ISLR2: variants seen among roughly 807,000 people sequenced by gnomAD.
ISLR2 encodes immunoglobulin superfamily containing leucine rich repeat 2.
Under a neutral mutation model 25.5 loss-of-function variants are expected in ISLR2, and 16 were observed. That is an observed-to-expected ratio of 0.63 (90% confidence interval 0.43 to 0.95). The LOEUF is 0.95. ISLR2 is among the 40% of genes least tolerant of loss of function. The probability of loss-of-function intolerance (pLI) is 0.00; values close to 1 mark genes in which losing one functional copy is unlikely to be tolerated. For missense variants in ISLR2, 883 were observed against 1,030.7 expected (o/e 0.86, Z 1.96); for synonymous variants, 508 against 486.6 (o/e 1.04, Z -0.58).
intron 2 of ISLR2, among the ~76,000 whole-genome samples, chr15:74,108,393 A>G (rs2072138894): frequency 6.6e-6 from 1 of 152,106 alleles, no homozygotes; most frequent in South Asian, 2.1e-4. Flanking sequence ...CTCACGCCGC[A>G]CAGCAGCTGG....
At position 74,135,677 on chromosome 15, in the gene ISLR2, A is replaced by G. The variant is rs957562257; in HGVS notation, c.*685A>G. The G allele has an allele frequency of 6.6e-6, 1 of 152,540 alleles. No homozygotes were observed. The highest frequency in any genetic ancestry group is 2.4e-5 in the African/African-American group (1 of 41,168). The allele number at this position is 152,540 out of a possible 1,614,324, so 9.4% of individuals were successfully genotyped here. A position where few individuals can be genotyped will look rare whatever the true frequency, so the allele number is the denominator to read the frequency against. The stretch of plus-strand genomic sequence containing the variant: ...CCACCACGACCAGCTAATTTCTTCT[A>G]TTTTTAGTAGAGACGGGGTTTCACC... On this transcript the variant is annotated 3_prime_UTR_variant, in exon 3 of 3. Coordinates refer to ENST00000453268, the MANE Select transcript of ISLR2 (RefSeq NM_020851.3).
intron 2 of ISLR2, among the ~76,000 whole-genome samples, chr15:74,111,716 C>T (rs1023242907): frequency 6.6e-6 from 1 of 151,748 alleles, no homozygotes; most frequent in African/African-American, 2.4e-5. Context: ...AACTACAAGC[C>T]CGTGCCACCA....
chr15:74,138,487 A>G (rs955812473), downstream of ISLR2: 5 of 152,646 alleles, frequency 3.3e-5, no homozygotes, highest in Non-Finnish European at 7.3e-5. Flanking sequence ...ATTAGATCTC[A>G]GAAAGACAGT....
intron 2 of ISLR2, among the ~76,000 whole-genome samples, chr15:74,131,557 C>T (rs1231783518): frequency 6.6e-6 from 1 of 152,152 alleles, no homozygotes. Context: ...TGTGCAAGTT[C>T]GTTTGTGTGA....
downstream of ISLR2, among the ~76,000 whole-genome samples, chr15:74,137,278 C>T (rs79382102): frequency 1.3e-5 from 2 of 152,196 alleles, no homozygotes; most frequent in African/African-American, 2.4e-5. Context: ...GACAAGACCG[C>T]TGTGGCTTGC....
chr15:74,133,777 G>A lies in ISLR2; in HGVS notation c.1023G>A (p.Leu341=). 1 of 1,613,920 alleles carries A rather than the reference G, an allele frequency of 6.2e-7. No individual in the cohort carries two copies. Among genetic ancestry groups the A allele is most frequent in the South Asian group, 1.1e-5 (1 of 91,044 alleles). The change falls in exon 3 of 3, where the codon TTG becomes TTA. Residue 341 remains leucine, a synonymous_variant. Coordinates refer to ENST00000453268, the MANE Select transcript of ISLR2 (RefSeq NM_020851.3). ...TGGCCCTCGCAAATGGCTCCCTGTT[G>A]GTGCCCCTCCTGAGTGCCAAGGAGG... is the stretch of plus-strand genomic sequence containing the variant. ...RFLALANGSL[L]VPLLSAKEAG...
intron 2 of ISLR2, among the ~76,000 whole-genome samples, chr15:74,117,482 T>A (rs1215355315): frequency 6.6e-6 from 1 of 151,764 alleles, no homozygotes; most frequent in Admixed American, 6.6e-5. Flanking sequence ...GGAGTTTGAG[T>A]CCAGTCTAGG....
chr15:74,127,818 T>A (rs1019391704), upstream of ISLR2: 4 of 152,412 alleles, frequency 2.6e-5, no homozygotes, highest in African/African-American at 9.6e-5. Flanking sequence ...CGCTCCGGGT[T>A]CGCGACGTTG....
At position 74,134,939 on chromosome 15, in the gene ISLR2, G is replaced by T; in HGVS notation, c.2185G>T (p.Ala729Ser). 2.5e-6 allele frequency: 4 copies of T among 1,614,034 alleles called. No individual in the cohort carries two copies. Among genetic ancestry groups the T allele is most frequent in the Non-Finnish European group, 3.4e-6 (4 of 1,180,030 alleles). Residue 729 changes from alanine (A) to serine (S), a missense_variant, in exon 3 of 3, where the codon GCG becomes TCG. Transcript: ENST00000453268. Reference sequence around the variant, plus strand: ...CGATCGGCTGCCCCTGGGCGCCGAGGCGGTCAACATCGCCCAGGAGATTAA... The same window carrying T: ...CGATCGGCTGCCCCTGGGCGCCGAGTCGGTCAACATCGCCCAGGAGATTAA... ...YSDRLPLGAE[A>S]VNIAQEINGN... is the part of the protein sequence containing the mutation.
At chr15:74,127,813 C>T (rs369364680), upstream of ISLR2, 1 of 152,464 alleles carries the variant, frequency 6.6e-6, no homozygotes, top group Admixed American at 6.5e-5. Context: ...CCCGACGCTC[C>T]GGGTTCGCGA....
intron 2 of ISLR2, among the ~76,000 whole-genome samples, chr15:74,115,362 C>CA (rs2072202464): frequency 6.6e-6 from 1 of 152,166 alleles, no homozygotes; most frequent in South Asian, 2.1e-4. Flanking sequence ...ATCCAGCAGT[C>CA]ACGACACAAA....
chr15:74,107,474 G>C (rs2072130195), intron 2 of ISLR2, among the ~76,000 whole-genome samples: 1 of 152,132 alleles, frequency 6.6e-6, no homozygotes, highest in Non-Finnish European at 1.5e-5. Context: ...TGGAAATAGA[G>C]GATGTCCCCC....
intron 2 of ISLR2, among the ~76,000 whole-genome samples, chr15:74,107,528 C>T (rs2072130575): frequency 6.6e-6 from 1 of 152,174 alleles, no homozygotes; most frequent in African/African-American, 2.4e-5. Flanking sequence ...CAGTCCTCTG[C>T]AAGGACAGGG....
At chr15:74,127,691 A>T (rs942726254), upstream of ISLR2, 1 of 152,474 alleles carries the variant, frequency 6.6e-6, no homozygotes, top group Non-Finnish European at 1.5e-5. Context: ...TGCGCCCGGC[A>T]AGCGGCTTCC....
intron 2 of ISLR2, among the ~76,000 whole-genome samples, chr15:74,121,779 C>CA (rs1385664982): frequency 6.6e-6 from 1 of 152,192 alleles, no homozygotes; most frequent in Non-Finnish European, 1.5e-5. Flanking sequence ...GGTATCTCTG[C>CA]AACATGCCAG....
intron 2 of ISLR2, among the ~76,000 whole-genome samples, chr15:74,107,630 A>AGG (rs2072131491): frequency 6.6e-6 from 1 of 152,136 alleles, no homozygotes; most frequent in South Asian, 2.1e-4. Context: ...CCACAGAGGG[A>AGG]GCCACCCTTC....
rs781176371 is a variant in ISLR2, at chr15:74,132,979, A to G, written c.225A>G (p.Thr75=). ...GGCGCGGGGCCTTCGCCGACGTCAC[A>G]CAGGTCACGTCGCTGTGGCTGGCGC... ...VLRRGAFADV[T]QVTSLWLAHN... Residue 75 remains threonine (T), a synonymous_variant, in exon 3 of 3, where the codon ACA becomes ACG. Transcript: ENST00000453268. The surrounding 1 kb of genome is among the most constrained non-coding windows in gnomAD (Gnocchi z 4.3). The G allele has an allele frequency of 1.7e-5, 28 of 1,613,882 alleles. No homozygotes were observed. The highest frequency in any genetic ancestry group is 1.5e-4 in the Admixed American group (9 of 60,018).
chr15:74,133,227 G>A lies in ISLR2; in HGVS notation c.473G>A (p.Arg158Gln). 6.2e-7 allele frequency: 1 copy of A among 1,612,746 alleles called. No homozygotes were observed. The highest frequency in any genetic ancestry group is 8.5e-7 in the Non-Finnish European group (1 of 1,180,006). The change falls in exon 3 of 3, where the codon CGG becomes CAG. Residue 158 changes from arginine (R) to glutamine (Q), a missense_variant. Physicochemically the swap from Arg to Gln is conservative, Grantham distance 43. Coordinates refer to ENST00000453268, the MANE Select transcript of ISLR2 (RefSeq NM_020851.3). The part of the protein sequence containing the change: ...DLRSLRINNN[R>Q]LRTLAPGTFD... ...CGTTCCCTGCGCATCAACAACAACCGGCTGCGTACGCTGGCGCCTGGCACC... is the reference window on the plus strand; with the variant it reads ...CGTTCCCTGCGCATCAACAACAACCAGCTGCGTACGCTGGCGCCTGGCACC...
At chr15:74,115,391 A>C (rs1311188103) in intron 2 of ISLR2, among the ~76,000 whole-genome samples, 2 of 152,244 alleles carry the variant, frequency 1.3e-5, no homozygotes, top group Non-Finnish European at 2.9e-5. Flanking sequence ...GTCTACCAGT[A>C]AATAAAACAT....
Sources: gnomAD v4.1 joint callset for allele counts (sites outside exome capture counted in the v4.1 genomes callset) on GRCh38, gnomAD v4.1.1 for gene constraint, Gnocchi (gnomAD v3.1) non-coding constraint, MANE v1.5 for transcripts, NCBI Gene and HGNC (gene_info 2026-07-23, HGNC 2026-07-21) for gene names.